The following ENTREP2 variants were observed in gnomAD, a reference collection of about 807,000 sequenced individuals.
The protein encoded by ENTREP2 is protein ENTREP2.
chr15:29,578,476 T>C, the ENTREP2 span, among the ~76,000 whole-genome samples: 1 of 152,192 alleles, frequency 6.6e-6, no homozygotes, highest in Non-Finnish European at 1.5e-5. Flanking sequence ...AATTTTGACT[T>C]GTCTTTGTTC....
the ENTREP2 span, among the ~76,000 whole-genome samples, chr15:29,175,299 G>C: frequency 6.6e-6 from 1 of 152,226 alleles, no homozygotes; most frequent in African/African-American, 2.4e-5. Context: ...GTAAGGGTAA[G>C]ATTAGTTTCA....
chr15:29,124,639 A>G, the ENTREP2 span: 1 of 1,497,398 alleles, frequency 6.7e-7, no homozygotes, highest in Non-Finnish European at 9.1e-7. Context: ...CACCCGCCCC[A>G]CCTCCCAGCA....
At chr15:29,346,453 A>C in the ENTREP2 span, among the ~76,000 whole-genome samples, 1 of 151,108 alleles carries the variant, frequency 6.6e-6, no homozygotes, top group Non-Finnish European at 1.5e-5. Flanking sequence ...CCACCCCAAG[A>C]CAGTAGAAGA....
the ENTREP2 span, among the ~76,000 whole-genome samples, chr15:29,648,987 C>G: frequency 6.6e-6 from 1 of 150,990 alleles, no homozygotes; most frequent in Non-Finnish European, 1.5e-5. Context: ...AACCTTTCAC[C>G]CAAAGTTGAG....
the ENTREP2 span, among the ~76,000 whole-genome samples, chr15:29,363,440 G>A: frequency 6.6e-6 from 1 of 152,124 alleles, no homozygotes; most frequent in African/African-American, 2.4e-5. Flanking sequence ...TAGTGTGACT[G>A]GGACTGAATT....
At chr15:29,550,468 T>C in the ENTREP2 span, among the ~76,000 whole-genome samples, 4 of 152,246 alleles carry the variant, frequency 2.6e-5, no homozygotes, top group South Asian at 8.3e-4. Flanking sequence ...TCTTCTCCAT[T>C]ATTTTATCTG....
chr15:29,528,069 G>A, the ENTREP2 span, among the ~76,000 whole-genome samples: 2 of 152,106 alleles, frequency 1.3e-5, no homozygotes, highest in African/African-American at 2.4e-5. Flanking sequence ...TGCTGTGCTA[G>A]GTGAAGGTGA....
At chr15:29,331,533 G>A in the ENTREP2 span, among the ~76,000 whole-genome samples, 1 of 152,298 alleles carries the variant, frequency 6.6e-6, no homozygotes, top group East Asian at 1.9e-4. Context: ...GTTTCGAGCA[G>A]GAGGGACTCA....
chr15:29,669,224 C>CAA, the ENTREP2 span, among the ~76,000 whole-genome samples: 1 of 152,066 alleles, frequency 6.6e-6, no homozygotes, highest in African/African-American at 2.4e-5. Flanking sequence ...CAAATCAAAA[C>CAA]AAAAACAAAA....
the ENTREP2 span, among the ~76,000 whole-genome samples, chr15:29,592,514 A>G: frequency 8.6e-5 from 13 of 151,092 alleles, no homozygotes; most frequent in Non-Finnish European, 1.6e-4. Flanking sequence ...GCTCACTCCC[A>G]TGATAAAGTT....
At chr15:29,559,562 G>A in the ENTREP2 span, among the ~76,000 whole-genome samples, 1 of 152,008 alleles carries the variant, frequency 6.6e-6, no homozygotes, top group Non-Finnish European at 1.5e-5. Flanking sequence ...CACAAGCCTC[G>A]ATCCTCCTGG....
At chr15:29,194,959 C>A in the ENTREP2 span, among the ~76,000 whole-genome samples, 1 of 152,202 alleles carries the variant, frequency 6.6e-6, no homozygotes, top group African/African-American at 2.4e-5. Flanking sequence ...TAGCAGTTGT[C>A]AGAATGAGAT....
the ENTREP2 span, among the ~76,000 whole-genome samples, chr15:29,272,081 T>C: frequency 1.3e-5 from 2 of 152,164 alleles, no homozygotes; most frequent in African/African-American, 4.8e-5. Flanking sequence ...CAGACTGTCA[T>C]TACTCAAGAT....
the ENTREP2 span, among the ~76,000 whole-genome samples, chr15:29,650,940 C>A: frequency 6.6e-6 from 1 of 152,120 alleles, no homozygotes; most frequent in Non-Finnish European, 1.5e-5. Flanking sequence ...TGCTTGAGCC[C>A]AGGAGTTTGA....
chr15:29,603,724 C>T, the ENTREP2 span, among the ~76,000 whole-genome samples: 5 of 152,090 alleles, frequency 3.3e-5, no homozygotes, highest in Admixed American at 1.3e-4. Flanking sequence ...CTGCAACCTC[C>T]GCCGCCCGGG....
the ENTREP2 span, among the ~76,000 whole-genome samples, chr15:29,326,284 A>G: frequency 6.6e-6 from 1 of 152,164 alleles, no homozygotes; most frequent in Admixed American, 6.5e-5. Flanking sequence ...CAGAAATAAA[A>G]CTGTCTTTGT....
At chr15:29,559,012 C>T in the ENTREP2 span, among the ~76,000 whole-genome samples, 5 of 152,096 alleles carry the variant, frequency 3.3e-5, no homozygotes, top group Admixed American at 2.6e-4. Flanking sequence ...AAAAGTTACA[C>T]GTGGATTTTC....
At chr15:29,584,803 T>C in the ENTREP2 span, among the ~76,000 whole-genome samples, 12 of 152,176 alleles carry the variant, frequency 7.9e-5, no homozygotes. Flanking sequence ...CTAAGACAGA[T>C]CTTCAGTGTT....
the ENTREP2 span, among the ~76,000 whole-genome samples, chr15:29,191,930 C>T: frequency 6.6e-6 from 1 of 152,112 alleles, no homozygotes; most frequent in African/African-American, 2.4e-5. Flanking sequence ...TTTGTTAAGT[C>T]ATTCATGCTA....
Sources: gnomAD v4.1 joint callset for allele counts (sites outside exome capture counted in the v4.1 genomes callset) on GRCh38, gnomAD v4.1.1 for gene constraint, MANE v1.5 for transcripts, NCBI Gene and HGNC (gene_info 2026-07-23, HGNC 2026-07-21) for gene names.